Variants in SMR3B observed in about 807,000 individuals in gnomAD.
The protein encoded by SMR3B is submaxillary gland androgen-regulated protein 3B.
For synonymous variants in SMR3B, 42 were observed against 36.1 expected, an observed-to-expected ratio of 1.16 and a Z score of -0.59; for missense variants, 114 against 99.9, an observed-to-expected ratio of 1.14 and a Z score of -0.60.
Position 70,384,692 on chromosome 4 carries a change from T to G in SMR3B, c.54+128T>G, listed in dbSNP as rs973560691. 4 of 1,507,528 alleles carry G rather than the reference T, an allele frequency of 2.7e-6. No individual in the cohort carries two copies. In the African/African-American group the frequency reaches 4.3e-5, roughly 16 times the overall value. The allele number at this position is 1,507,528 out of a possible 1,614,324, so 93.4% of individuals were successfully genotyped here. A position where few individuals can be genotyped will look rare whatever the true frequency, so the allele number is the denominator to read the frequency against. ...TAACTATTAATCATCAATGAAACACTGTTTAGGGCTTAAATTTAAATTTAA... is the reference window on the plus strand; with the variant it reads ...TAACTATTAATCATCAATGAAACACGGTTTAGGGCTTAAATTTAAATTTAA... On this transcript the variant is annotated intron_variant, in intron 2 of 2. Coordinates refer to ENST00000304915, the MANE Select transcript of SMR3B (RefSeq NM_006685.4).
intron 2 of SMR3B, among the ~76,000 whole-genome samples, chr4:70,386,002 G>A (rs1012855902): frequency 2.0e-5 from 3 of 151,386 alleles, no homozygotes; most frequent in Non-Finnish European, 4.4e-5. Flanking sequence ...GGCCAGGCAC[G>A]GTGGCTCACG....
At chr4:70,384,372 G>T (rs1732617479) in intron 1 of SMR3B, 125 bp from the exon 2 acceptor site, 5 of 1,474,878 alleles carry the variant, frequency 3.4e-6, no homozygotes, top group Non-Finnish European at 4.5e-6. Flanking sequence ...ATAACATTAG[G>T]CAAATTCCCT....
At chr4:70,384,371 G>T in intron 1 of SMR3B, 126 bp from the exon 2 acceptor site, 1 of 1,474,454 alleles carries the variant, frequency 6.8e-7, no homozygotes, top group Non-Finnish European at 9.1e-7. Context: ...AATAACATTA[G>T]GCAAATTCCC....
intron 2 of SMR3B, among the ~76,000 whole-genome samples, chr4:70,389,387 T>A (rs776004995): frequency 5.9e-5 from 9 of 152,178 alleles, no homozygotes; most frequent in Non-Finnish European, 2.9e-5. Context: ...CAGTCTACCA[T>A]GTACCTCCAC....
chr4:70,387,069 A>G (rs965636381), intron 2 of SMR3B, among the ~76,000 whole-genome samples: 1 of 152,226 alleles, frequency 6.6e-6, no homozygotes, highest in Non-Finnish European at 1.5e-5. Flanking sequence ...CAAATGGGAA[A>G]TGAGAAGTGG....
rs1323934622 is a variant in SMR3B, at chr4:70,389,910, A to C, written c.*62A>C. 2 of 1,607,914 alleles carry C rather than the reference A, an allele frequency of 1.2e-6. No individual in the cohort carries two copies. Among genetic ancestry groups the C allele is most frequent in the Non-Finnish European group, 1.7e-6 (2 of 1,174,818 alleles). ...CAGCCTCCTTCCCGACCAAGACCCTATCCACCTGGACCTCCATTTTTCCCT... is the reference window on the plus strand; with the variant it reads ...CAGCCTCCTTCCCGACCAAGACCCTCTCCACCTGGACCTCCATTTTTCCCT... On this transcript the variant is annotated 3_prime_UTR_variant, in exon 3 of 3. Coordinates refer to ENST00000304915, the MANE Select transcript of SMR3B (RefSeq NM_006685.4).
intron 2 of SMR3B, 152 bp downstream of exon 2, chr4:70,384,716 A>T: frequency 1.4e-6 from 2 of 1,428,874 alleles, no homozygotes; most frequent in Non-Finnish European, 1.9e-6. Flanking sequence ...ATTTAAATTT[A>T]AAATCTAATT....
chr4:70,386,441 T>TACAC (rs150264434), intron 2 of SMR3B, among the ~76,000 whole-genome samples: 164 of 150,160 alleles, frequency 1.1e-3, no homozygotes, highest in Admixed American at 3.9e-3. Context: ...TGTGTATATG[T>TACAC]ACACACACAC....
chr4:70,385,265 A>G (rs944779484), intron 2 of SMR3B, among the ~76,000 whole-genome samples: 1 of 152,220 alleles, frequency 6.6e-6, no homozygotes, highest in Non-Finnish European at 1.5e-5. Context: ...CCACCAAAGT[A>G]CTATAAAATC....
chr4:70,388,281 T>TTA (rs202008659), intron 2 of SMR3B, among the ~76,000 whole-genome samples: 2 of 152,022 alleles, frequency 1.3e-5, no homozygotes, highest in African/African-American at 2.4e-5. Context: ...CTATTTTTTT[T>TTA]TTATTTTTTA....
chr4:70,384,400 A>T (rs908118217), intron 1 of SMR3B, 97 bp from the exon 2 acceptor site: 3 of 1,563,028 alleles, frequency 1.9e-6, no homozygotes, highest in Admixed American at 1.9e-5. Context: ...CTATAGTAGG[A>T]TATTTGTATT....
rs1487991417 is a variant in SMR3B, at chr4:70,389,843, C to A, written c.235C>A (p.Pro79Thr). The change falls in exon 3 of 3, where the codon CCC (proline) becomes ACC (threonine). Residue 79 changes from proline (P) to threonine (T), a missense_variant. By Grantham distance (38) the Pro-to-Thr change is conservative. Transcript: ENST00000304915. The part of the protein sequence containing the change: ...PGIFPPPPPQ[P>T] ...GATATTTCCACCACCCCCTCCTCAA[C>A]CCTAAGGTCCACCACTCCATCCTGA... 6.2e-7 allele frequency: 1 copy of A among 1,613,622 alleles called. No homozygotes were observed. The highest frequency in any genetic ancestry group is 1.3e-5 in the African/African-American group (1 of 74,996).
chr4:70,390,230 AGAATT>A lies in SMR3B; in HGVS notation c.*385_*389del. On this transcript the variant is annotated 3_prime_UTR_variant, in exon 3 of 3. Coordinates refer to ENST00000304915, the MANE Select transcript of SMR3B (RefSeq NM_006685.4). ...ATTTATACCAATGAGGCAAAAATAAAGAATTGAGCACCAATATGAAGTCTCCACTG... is the reference window on the plus strand; with the variant it reads ...ATTTATACCAATGAGGCAAAAATAAAGAGCACCAATATGAAGTCTCCACTG... The A allele has an allele frequency of 2.0e-6, 1 of 492,350 alleles. No homozygotes were observed. The highest frequency in any genetic ancestry group is 2.1e-5 in the South Asian group (1 of 48,048). The allele number at this position is 492,350 out of a possible 1,614,324, so 30.5% of individuals were successfully genotyped here.
rs757415323 is a variant in SMR3B at position 70,389,834 on chromosome 4, C to A, written c.226C>A (p.Pro76Thr). Residue 76 changes from proline (P) to threonine (T), a missense_variant, in exon 3 of 3, where the codon CCT becomes ACT. Pro to Thr is a conservative substitution (Grantham distance 38, BLOSUM62 -1). Transcript: ENST00000304915. ...PYGPGIFPPP[P>T]PQP ...TGGTCCAGGGATATTTCCACCACCC[C>A]CTCCTCAACCCTAAGGTCCACCACT... is the stretch of plus-strand genomic sequence containing the variant. 1 of 1,613,844 alleles carries A rather than the reference C, an allele frequency of 6.2e-7. No homozygotes were observed. The highest frequency in any genetic ancestry group is 8.5e-7 in the Non-Finnish European group (1 of 1,179,894).
At chr4:70,383,559 A>G (rs2109759589) in intron 1 of SMR3B, among the ~76,000 whole-genome samples, 1 of 152,208 alleles carries the variant, frequency 6.6e-6, no homozygotes, top group African/African-American at 2.4e-5. Context: ...TCTACAGAAT[A>G]TTTTTATTAT....
chr4:70,388,865 T>C (rs1022351119), intron 2 of SMR3B, among the ~76,000 whole-genome samples: 13 of 152,130 alleles, frequency 8.5e-5, no homozygotes. Flanking sequence ...GAATTAGACA[T>C]AATAAGACAT....
rs1732738116 is a variant in SMR3B, at chr4:70,390,147, G to C, written c.*299G>C. 1.5e-6 allele frequency: 1 copy of C among 670,634 alleles called. No individual in the cohort carries two copies. The highest frequency in any genetic ancestry group is 1.8e-5 in the African/African-American group (1 of 55,300). 41.5% of individuals were successfully genotyped at this position (670,634 alleles called of 1,614,324 possible). A position where few individuals can be genotyped will look rare whatever the true frequency, so the allele number is the denominator to read the frequency against. ...GAATGAAAAATTCCAAAAGTGCTGA[G>C]CTTTGGGGAGAAATAATCTTAGAAA... On this transcript the variant is annotated 3_prime_UTR_variant, in exon 3 of 3. Transcript: ENST00000304915.
rs143032529 is a variant in SMR3B at position 70,389,621 on chromosome 4, T to A, written c.55-42T>A. Reference sequence around the variant, plus strand: ...AAGCATTCACCCTTATATTTAACTGTGAAATATCTGATTTGAAATTATTTA... The same window carrying A: ...AAGCATTCACCCTTATATTTAACTGAGAAATATCTGATTTGAAATTATTTA... On this transcript the variant is annotated intron_variant, in intron 2 of 2. Transcript: ENST00000304915. 5.0e-6 allele frequency: 8 copies of A among 1,584,330 alleles called. No individual in the cohort carries two copies. The Admixed American group carries it at 5.1e-5, about 10-fold the overall frequency.
intron 2 of SMR3B, among the ~76,000 whole-genome samples, chr4:70,385,882 A>G (rs955131708): frequency 6.6e-6 from 1 of 152,088 alleles, no homozygotes; most frequent in African/African-American, 2.4e-5. Context: ...TATTTTCAAT[A>G]TTTTTATTCC....
Sources: allele counts gnomAD v4.1 joint callset (sites outside exome capture counted in the v4.1 genomes callset), GRCh38; gene constraint gnomAD v4.1.1; transcripts MANE v1.5; gene names NCBI Gene and HGNC (gene_info 2026-07-23, HGNC 2026-07-21).